The following ZNF730 variants were observed in gnomAD, a reference collection of about 807,000 sequenced individuals.
The protein encoded by ZNF730 is putative zinc finger protein 730.
In ZNF730, 12 loss-of-function variants were observed where a neutral mutation model predicts 12.6. The ratio of observed to expected loss-of-function variants is 0.95; its 90% CI spans 0.61 to 1.54. ZNF730 has a LOEUF of 1.54. Among genes scored for constraint, ZNF730 ranks in the 40% most tolerant of loss-of-function variants. The probability of loss-of-function intolerance (pLI) is 0.00; values close to 1 mark genes in which losing one functional copy is unlikely to be tolerated. For missense variants in ZNF730, 643 were observed against 583.5 expected (o/e 1.10, Z -1.05); for synonymous variants, 194 against 195.8 (o/e 0.99, Z 0.08).
chr19:23,136,176 T>A (rs1970829685), intron 3 of ZNF730, 133 bp downstream of exon 3: 1 of 673,004 alleles, frequency 1.5e-6, no homozygotes, highest in South Asian at 3.6e-5. Flanking sequence ...TTTTATTTAT[T>A]TTGCTTTTTA....
chr19:23,102,716 G>A (rs2145542966), intron 1 of ZNF730, among the ~76,000 whole-genome samples: 1 of 152,004 alleles, frequency 6.6e-6, no homozygotes, highest in East Asian at 1.9e-4. Context: ...GGCTGGTCTC[G>A]AGCTCCGTAC....
At chr19:23,116,935 AAACGTTATCCAATCGGGGACACT>A, upstream of ZNF730, 2 of 101,668 alleles carry the variant, frequency 2.0e-5, no homozygotes, top group Non-Finnish European at 1.8e-5. Context: ...GCGGGGCCTT[AAACGTTATCCAATCGGGGACACT>A]GGGCGGGGGG....
upstream of ZNF730, among the ~76,000 whole-genome samples, chr19:23,115,171 G>A (rs1970504044): frequency 6.6e-6 from 1 of 151,626 alleles, no homozygotes; most frequent in African/African-American, 2.4e-5. Flanking sequence ...TTGCAGAAGT[G>A]TCACTCTCCA....
intron 2 of ZNF730, among the ~76,000 whole-genome samples, chr19:23,135,224 A>T (rs1443047735): frequency 4.1e-4 from 8 of 19,340 alleles, no homozygotes; most frequent in Non-Finnish European, 6.6e-4. Context: ...TGATCAATAA[A>T]AAAAAAAAAA....
chr19:23,127,004 C>T, intron 1 of ZNF730: 1 of 506,034 alleles, frequency 2.0e-6, no homozygotes, highest in Non-Finnish European at 3.9e-6. Context: ...TGAGAAAAAA[C>T]TTGCGTATAT....
chr19:23,135,832 T>A, intron 2 of ZNF730, 116 bp from the exon 3 acceptor site: 1 of 1,021,112 alleles, frequency 9.8e-7, no homozygotes, highest in Non-Finnish European at 1.4e-6. Context: ...TTTTTATAAA[T>A]TATTATTTTG....
At chr19:23,130,328 T>C (rs11668192) in intron 1 of ZNF730, among the ~76,000 whole-genome samples, 45,639 of 152,004 alleles carry the variant, frequency 0.3, 7,714 homozygotes, top group African/African-American at 0.46. Context: ...TCCTTGTCTT[T>C]TGCCATGATT....
At chr19:23,128,350 A>T (rs747195017) in intron 1 of ZNF730, 6 of 543,416 alleles carry the variant, frequency 1.1e-5, no homozygotes, top group Non-Finnish European at 2.1e-5. Flanking sequence ...TCAATACATA[A>T]ACAAAAGCGT....
chr19:23,094,380 ATCTATCTATCTG>A lies in ZNF730; in HGVS notation c.-94+19001_-94+19012del, dbSNP rs1312052650. Among the ~76,000 whole-genome samples the A allele has an allele frequency of 7.2e-4, 101 of 140,768 alleles. No individual in the cohort carries two copies. In the East Asian group the frequency reaches 8.7e-3, roughly 12 times the overall value. 92.3% of individuals were successfully genotyped at this position (140,768 alleles called of 152,430 possible). A position where few individuals can be genotyped will look rare whatever the true frequency, so the allele number is the denominator to read the frequency against. ...GCTCTATCTATCTATCTATCTATCT[ATCTATCTATCTG>A]TCTATCTGTCTATCTATCTGTGGGC... On this transcript the variant is annotated intron_variant, in intron 1 of 2. Coordinates refer to the ZNF730 transcript ENST00000593635.
At chr19:23,122,652 CTG>C (rs1414153245) in intron 1 of ZNF730, among the ~76,000 whole-genome samples, 1 of 152,184 alleles carries the variant, frequency 6.6e-6, no homozygotes, top group East Asian at 1.9e-4. Flanking sequence ...ATAGTGGAAT[CTG>C]TAGGTGGACT....
Position 23,104,815 on chromosome 19 carries a change from T to C in ZNF730, c.-93-29265T>C, listed in dbSNP as rs138273272. ...CATATCCTTGTCTACACAGTCTCTG[T>C]ACAGCGTTCCTGACCTGTGGTCAGT... On this transcript the variant is annotated intron_variant, in intron 1 of 2. Transcript: ENST00000593635. Among the ~76,000 whole-genome samples, 1,056 of 152,286 alleles carry C rather than the reference T, an allele frequency of 6.9e-3. 5 individuals carry two copies. The highest frequency in any genetic ancestry group is 0.01 in the Non-Finnish European group (695 of 68,020).
At chr19:23,133,492 G>A (rs963613126) in intron 1 of ZNF730, among the ~76,000 whole-genome samples, 9 of 152,122 alleles carry the variant, frequency 5.9e-5, no homozygotes, top group African/African-American at 4.8e-5. Context: ...ACAGGCATGC[G>A]CCACCATGGC....
chr19:23,087,227 G>A (rs949592320), intron 1 of ZNF730, among the ~76,000 whole-genome samples: 1 of 152,102 alleles, frequency 6.6e-6, no homozygotes, highest in Non-Finnish European at 1.5e-5. Context: ...GGCCAACATG[G>A]TGAAATCTTG....
chr19:23,109,602 AGGTT>A (rs992865227), intron 1 of ZNF730, among the ~76,000 whole-genome samples: 39 of 152,106 alleles, frequency 2.6e-4, no homozygotes, highest in African/African-American at 9.4e-4. Flanking sequence ...GGGTTTCACC[AGGTT>A]GGTCAGGCTG....
chr19:23,134,105 C>T lies in ZNF730; in HGVS notation c.29C>T (p.Ala10Val), dbSNP rs1442865531. MGALTFRDV[A>V]IEFSLEEWQC... ...GGAGCGTTGACATTTAGAGATGTGGCCATAGAATTCTCTCTGGAGGAGTGG... is the reference window on the plus strand; with the variant it reads ...GGAGCGTTGACATTTAGAGATGTGGTCATAGAATTCTCTCTGGAGGAGTGG... The change falls in exon 2 of 4, where the codon GCC becomes GTC. Residue 10 changes from alanine to valine, a missense_variant. By Grantham distance (64) the Ala-to-Val change is moderately conservative. Transcript: ENST00000597761. 6.2e-7 allele frequency: 1 copy of T among 1,613,372 alleles called. No homozygotes were observed. Among genetic ancestry groups the T allele is most frequent in the Non-Finnish European group, 8.5e-7 (1 of 1,179,656 alleles).
At chr19:23,124,845 G>C (rs1970641962) in intron 1 of ZNF730, among the ~76,000 whole-genome samples, 1 of 152,146 alleles carries the variant, frequency 6.6e-6, no homozygotes, top group African/African-American at 2.4e-5. Flanking sequence ...GAGCAGTTAT[G>C]GTTCTTATCA....
In ZNF730 at chr19:23,146,090, T is replaced by G; in HGVS notation, c.1046T>G (p.Phe349Cys). ...AAATGTGAAGAATGTGGCAAAGCTT[T>G]TAACCGATCCTCAACCCTTAATAGA... ...PYKCEECGKA[F>C]NRSSTLNRHK... Residue 349 changes from phenylalanine (F) to cysteine (C), a missense_variant, in exon 4 of 4, where the codon TTT becomes TGT. Coordinates refer to ENST00000597761, the MANE Select transcript of ZNF730 (RefSeq NM_001277403.2). 2 of 1,612,400 alleles carry G rather than the reference T, an allele frequency of 1.2e-6. No homozygotes were observed. The highest frequency in any genetic ancestry group is 1.7e-6 in the Non-Finnish European group (2 of 1,179,520).
At chr19:23,136,847 G>A (rs899515836) in intron 3 of ZNF730, among the ~76,000 whole-genome samples, 1 of 151,898 alleles carries the variant, frequency 6.6e-6, no homozygotes, top group Non-Finnish European at 1.5e-5. Flanking sequence ...TCTGATGGGA[G>A]TTTATTGAAT....
At position 23,146,964 on chromosome 19, in the gene ZNF730, C is replaced by A; in HGVS notation, c.*408C>A. The A allele has an allele frequency of 2.6e-6, 1 of 387,832 alleles. No homozygotes were observed. 24.0% of individuals were successfully genotyped at this position (387,832 alleles called of 1,614,324 possible). ...GTCAAAGAAATGCTGGTGAGAAATT[C>A]TAGAAATATGAAGAATGTGACAAAG... On this transcript the variant is annotated 3_prime_UTR_variant, in exon 4 of 4. Coordinates refer to ENST00000597761, the MANE Select transcript of ZNF730 (RefSeq NM_001277403.2).
Sources: allele counts gnomAD v4.1 joint callset (sites outside exome capture counted in the v4.1 genomes callset), GRCh38; gene constraint gnomAD v4.1.1; transcripts MANE v1.5; gene names NCBI Gene and HGNC (gene_info 2026-07-23, HGNC 2026-07-21).